ANKS1B: variants seen among roughly 807,000 people sequenced by gnomAD.
ANKS1B encodes the protein ankyrin repeat and sterile alpha motif domain containing 1B.
Under a neutral mutation model 148.3 loss-of-function variants are expected in ANKS1B, and 36 were observed. The observed-to-expected ratio is 0.24, with a 90% CI of 0.19 to 0.32. ANKS1B has a LOEUF of 0.32. ANKS1B is among the 10% of genes least tolerant of loss of function. The pLI, the probability that ANKS1B is intolerant of heterozygous loss-of-function variation, is 1.00. For synonymous variants in ANKS1B, 542 were observed against 560.8 expected, an observed-to-expected ratio of 0.97 and a Z score of 0.47; for missense variants, 1,157 against 1,542.6, an observed-to-expected ratio of 0.75 and a Z score of 4.19.
chr12:99,589,836 C>A lies in ANKS1B; in HGVS notation c.1272+65231G>T, dbSNP rs566824613. Among the ~76,000 whole-genome samples the A allele has an allele frequency of 1.8e-3, 280 of 152,122 alleles. 2 individuals carry two copies. The highest frequency in any genetic ancestry group is 6.6e-3 in the African/African-American group (272 of 41,512). On this transcript the variant is annotated intron_variant, in intron 9 of 26. Transcript: ENST00000683438. ...AAGAGTGAAATTAGAATGCTCCTAA[C>A]ACAAAAAAATGATAAATGCTTGAGG... is the stretch of plus-strand genomic sequence containing the variant.
intron 12 of ANKS1B, among the ~76,000 whole-genome samples, chr12:99,302,880 T>G (rs142748643): frequency 6.6e-6 from 1 of 152,274 alleles, no homozygotes; most frequent in East Asian, 1.9e-4. Flanking sequence ...AAAGTAGAGA[T>G]GACATTAAAA....
rs779841060 is a variant in ANKS1B at position 99,246,461 on chromosome 12, C to T, written c.2160G>A (p.Arg720=). 1 of 1,613,776 alleles carries T rather than the reference C, an allele frequency of 6.2e-7. No individual in the cohort carries two copies. Among genetic ancestry groups the T allele is most frequent in the South Asian group, 1.1e-5 (1 of 91,052 alleles). Residue 720 remains arginine, a synonymous_variant, in exon 13 of 27, where the codon AGG becomes AGA. Coordinates refer to ENST00000683438, the MANE Select transcript of ANKS1B (RefSeq NM_001352186.2). The part of the protein sequence containing the change: ...VERACTLGRI[R]SLPKALIDMH... Reference sequence around the variant, plus strand: ...TGTCGATCAAGGCTTTAGGCAATGACCTTATTCTCCCCAGAGTACAGGCTC... The same window carrying T: ...TGTCGATCAAGGCTTTAGGCAATGATCTTATTCTCCCCAGAGTACAGGCTC...
chr12:99,469,247 A>G (rs930515714), intron 10 of ANKS1B, among the ~76,000 whole-genome samples: 7 of 137,904 alleles, frequency 5.1e-5, no homozygotes, highest in Non-Finnish European at 9.2e-5. Flanking sequence ...CAATGAGAAC[A>G]CATGGACACA....
At chr12:99,456,550 C>A (rs1030037719) in intron 10 of ANKS1B, among the ~76,000 whole-genome samples, 14 of 152,020 alleles carry the variant, frequency 9.2e-5, no homozygotes, top group African/African-American at 2.9e-4. Flanking sequence ...ATGGAAAAAT[C>A]TCCAGTGAAA....
intron 19 of ANKS1B, among the ~76,000 whole-genome samples, chr12:98,813,569 G>T (rs1284824080): frequency 2.0e-5 from 3 of 151,600 alleles, no homozygotes; most frequent in African/African-American, 7.3e-5. Context: ...TGGAGACAGG[G>T]TCTTGCTCTG....
intron 1 of ANKS1B, among the ~76,000 whole-genome samples, chr12:99,945,305 G>C (rs1477642006): frequency 6.6e-6 from 1 of 151,318 alleles, no homozygotes; most frequent in Non-Finnish European, 1.5e-5. Flanking sequence ...GAAATACCAG[G>C]TGCAAAGGCC....
At chr12:99,933,590 G>A (rs2094682088) in intron 1 of ANKS1B, among the ~76,000 whole-genome samples, 1 of 152,016 alleles carries the variant, frequency 6.6e-6, no homozygotes, top group South Asian at 2.1e-4. Flanking sequence ...TGTTGGTTTT[G>A]TATTCTGCAA....
In ANKS1B at chr12:99,402,692, T is replaced by C. The variant is rs1299577577; in HGVS notation, c.1576-2881A>G. On this transcript the variant is annotated intron_variant, in intron 11 of 26. Transcript: ENST00000683438. ...TGCATAGTATTCCGTGGTGTATATA[T>C]ACCACATTTTCTTTATCCAGTCTAT... Among the ~76,000 whole-genome samples the C allele has an allele frequency of 2.7e-5, 4 of 146,266 alleles. 1 individual carries two copies. Among genetic ancestry groups the C allele is most frequent in the African/African-American group, 7.8e-5 (3 of 38,590 alleles).
chr12:99,966,713 T>C (rs2153835187), intron 1 of ANKS1B, among the ~76,000 whole-genome samples: 1 of 152,254 alleles, frequency 6.6e-6, no homozygotes, highest in Non-Finnish European at 1.5e-5. Flanking sequence ...TCAAGATATT[T>C]CCATACCATA....
chr12:99,789,006 GC>G (rs925993386), intron 4 of ANKS1B, among the ~76,000 whole-genome samples: 2 of 152,136 alleles, frequency 1.3e-5, no homozygotes, highest in Non-Finnish European at 2.9e-5. Flanking sequence ...CTTCCAGACA[GC>G]TACTCTGGAC....
At chr12:99,363,448 G>T (rs10128988) in intron 12 of ANKS1B, among the ~76,000 whole-genome samples, 1 of 151,832 alleles carries the variant, frequency 6.6e-6, no homozygotes, top group African/African-American at 2.4e-5. Context: ...CAGCGTATAA[G>T]TGATACAGGC....
chr12:98,874,109 A>G (rs770229698), intron 17 of ANKS1B, among the ~76,000 whole-genome samples: 1 of 152,198 alleles, frequency 6.6e-6, no homozygotes. Flanking sequence ...AATCTAAAAC[A>G]TACAGAATCA....
intron 9 of ANKS1B, among the ~76,000 whole-genome samples, chr12:99,554,947 G>A (rs1184605950): frequency 6.6e-6 from 1 of 152,046 alleles, no homozygotes. Flanking sequence ...AGAATATGTG[G>A]TAATTGGTTT....
chr12:98,895,005 CG>C, intron 17 of ANKS1B: 1 of 815,308 alleles, frequency 1.2e-6, no homozygotes, highest in Non-Finnish European at 1.5e-6. Flanking sequence ...GCGGCGGCGG[CG>C]GCGCGTCCTC....
intron 17 of ANKS1B, among the ~76,000 whole-genome samples, chr12:98,984,613 T>TCTCC (rs2099922164): frequency 6.6e-6 from 1 of 152,154 alleles, no homozygotes; most frequent in Admixed American, 6.6e-5. Context: ...ATAACAAGAC[T>TCTCC]CTCCCTTCCT....
intron 1 of ANKS1B, among the ~76,000 whole-genome samples, chr12:99,979,468 C>G (rs150674092): frequency 6.4e-4 from 98 of 151,998 alleles, no homozygotes; most frequent in African/African-American, 2.3e-3. Context: ...TTCTATTTTC[C>G]CTATTGAGAA....
rs377290568 is a variant in ANKS1B, at chr12:99,879,156, C to T, written c.135-53767G>A. Reference sequence around the variant, plus strand: ...CCCGTTAGTTTCCTCATCAGGGAAGCCCACATGTCAGTATCTACAGAGTTT... The same window carrying T: ...CCCGTTAGTTTCCTCATCAGGGAAGTCCACATGTCAGTATCTACAGAGTTT... On this transcript the variant is annotated intron_variant, in intron 1 of 26. Coordinates refer to ENST00000683438, the MANE Select transcript of ANKS1B (RefSeq NM_001352186.2). 5.3e-5 allele frequency among the ~76,000 whole-genome samples: 8 copies of T among 152,152 alleles called. 1 individual carries two copies. The East Asian group carries it at 9.6e-4, about 18-fold the overall frequency.
chr12:99,184,188 C>T (rs1230752972), intron 14 of ANKS1B, among the ~76,000 whole-genome samples: 1 of 152,260 alleles, frequency 6.6e-6, no homozygotes, highest in Admixed American at 6.5e-5. Context: ...AATATATCTT[C>T]CCATTTAGAT....
At chr12:98,861,447 G>A (rs977049196) in intron 17 of ANKS1B, among the ~76,000 whole-genome samples, 13 of 152,184 alleles carry the variant, frequency 8.5e-5, no homozygotes, top group African/African-American at 3.1e-4. Context: ...CTCTCCTACT[G>A]TGTGGATGAG....
Sources: allele counts gnomAD v4.1 joint callset (sites outside exome capture counted in the v4.1 genomes callset), GRCh38; gene constraint gnomAD v4.1.1; transcripts MANE v1.5; gene names NCBI Gene and HGNC (gene_info 2026-07-23, HGNC 2026-07-21).